ZNF420: variants seen among roughly 807,000 people sequenced by gnomAD.
The protein encoded by ZNF420 is zinc finger protein 420.
ZNF420 carries 31 observed loss-of-function variants against 44.7 expected under a neutral mutation model. The ratio of observed to expected loss-of-function variants is 0.69; its 90% CI spans 0.52 to 0.94. ZNF420 has a LOEUF of 0.94. Among genes scored for constraint, ZNF420 ranks in the 40% least tolerant of loss-of-function variants. ZNF420 has a pLI of 0.00. For missense variants in ZNF420, 681 were observed against 827.9 expected, an observed-to-expected ratio of 0.82 and a Z score of 2.18; for synonymous variants, 245 against 267.4, an observed-to-expected ratio of 0.92 and a Z score of 0.82.
chr19:37,032,648 TACA>T (rs1967283135), intron 1 of ZNF420, among the ~76,000 whole-genome samples: 1 of 150,500 alleles, frequency 6.6e-6, no homozygotes, highest in African/African-American at 2.4e-5. Context: ...CTACTAAAAA[TACA>T]ACAATTTGCC....
chr19:37,055,969 T>A (rs1483147274), intron 1 of ZNF420, among the ~76,000 whole-genome samples: 1 of 152,116 alleles, frequency 6.6e-6, no homozygotes, highest in Non-Finnish European at 1.5e-5. Flanking sequence ...TGGTTGTTCT[T>A]TTGAAAAGCA....
At chr19:37,009,144 C>T (rs1265902365) in intron 1 of ZNF420, among the ~76,000 whole-genome samples, 1 of 152,156 alleles carries the variant, frequency 6.6e-6, no homozygotes, top group African/African-American at 2.4e-5. Flanking sequence ...CATCTGCTTC[C>T]TCTGCTCCTG....
At chr19:37,083,006 A>T (rs1968547402) in intron 2 of ZNF420, among the ~76,000 whole-genome samples, 1 of 151,538 alleles carries the variant, frequency 6.6e-6, no homozygotes, top group South Asian at 2.1e-4. Flanking sequence ...GGCTACAGGC[A>T]CGCGCCACCA....
intron 1 of ZNF420, among the ~76,000 whole-genome samples, chr19:37,056,870 G>A (rs971278127): frequency 2.0e-5 from 3 of 152,186 alleles, no homozygotes; most frequent in Non-Finnish European, 1.5e-5. Flanking sequence ...CCACGTCGCC[G>A]CCTACCGGAC....
chr19:37,041,283 C>T (rs1366540045), intron 1 of ZNF420, among the ~76,000 whole-genome samples: 2 of 150,452 alleles, frequency 1.3e-5, no homozygotes, highest in African/African-American at 4.9e-5. Context: ...TGCACTCCAG[C>T]CTGGGCGACG....
At chr19:37,120,764 A>G (rs1970983090) in intron 4 of ZNF420, among the ~76,000 whole-genome samples, 1 of 152,250 alleles carries the variant, frequency 6.6e-6, no homozygotes, top group Non-Finnish European at 1.5e-5. Flanking sequence ...CTGATAAGCA[A>G]CTACAGCAAA....
chr19:37,060,294 C>T (rs2146439410), intron 1 of ZNF420, among the ~76,000 whole-genome samples: 1 of 152,254 alleles, frequency 6.6e-6, no homozygotes, highest in African/African-American at 2.4e-5. Flanking sequence ...AACGAAGCCA[C>T]ACCACGATAC....
chr19:37,111,870 G>A (rs991318100), intron 4 of ZNF420, among the ~76,000 whole-genome samples: 3 of 152,124 alleles, frequency 2.0e-5, no homozygotes, highest in African/African-American at 4.8e-5. Flanking sequence ...GATCATGGCC[G>A]GAGAGGGCAA....
chr19:37,040,736 T>C (rs539064255), intron 1 of ZNF420, among the ~76,000 whole-genome samples: 25 of 152,220 alleles, frequency 1.6e-4, no homozygotes, highest in Middle Eastern at 3.4e-3. Context: ...ACTGGACAAA[T>C]TAAAGTTGCA....
rs1970695447 is a variant in ZNF420, at chr19:37,116,487, CCAAATAGGAACAGCTCTGGTCTACAGCT to C, written c.137-10639_137-10612del. On this transcript the variant is annotated intron_variant, in intron 4 of 4. Transcript: ENST00000337995. ...GAAAATATGGGTGGAGCCAAGATGGCCAAATAGGAACAGCTCTGGTCTACAGCTCCCAGCATGAACGACGCAGAAGACG... is the reference window on the plus strand; with the variant it reads ...GAAAATATGGGTGGAGCCAAGATGGCCCCAGCATGAACGACGCAGAAGACG... Among the ~76,000 whole-genome samples the C allele has an allele frequency of 1.6e-4, 25 of 152,094 alleles. 1 individual carries two copies. In the South Asian group the frequency reaches 5.2e-3, roughly 32 times the overall value.
rs781511401 is a variant in ZNF420 at position 37,127,116 on chromosome 19, CTT to C, written c.137-11_137-10del. 4.8e-5 allele frequency: 70 copies of C among 1,447,716 alleles called. No homozygotes were observed. The highest frequency in any genetic ancestry group is 7.1e-5 in the African/African-American group (5 of 70,128). The allele number at this position is 1,447,716 out of a possible 1,614,324, so 89.7% of individuals were successfully genotyped here. On this transcript the variant is annotated splice_polypyrimidine_tract_variant and intron_variant, in intron 4 of 4. Transcript: ENST00000337995. ...ATATTTCTCAATTTTTTTATTCTCT[CTT>C]ATCTTTCAGACTTGCCTTCAAGGTG...
chr19:37,033,506 G>C (rs1327937327), intron 1 of ZNF420, among the ~76,000 whole-genome samples: 4 of 152,116 alleles, frequency 2.6e-5, no homozygotes, highest in Non-Finnish European at 5.9e-5. Context: ...TTATGTCAAG[G>C]TTCATCCATG....
intron 1 of ZNF420, among the ~76,000 whole-genome samples, chr19:37,067,828 A>G (rs1239983989): frequency 6.6e-6 from 1 of 152,166 alleles, no homozygotes; most frequent in East Asian, 1.9e-4. Flanking sequence ...GTGTGTGTAC[A>G]TTATTTTGGT....
At chr19:37,101,634 C>G (rs566281809) in intron 4 of ZNF420, among the ~76,000 whole-genome samples, 24 of 152,384 alleles carry the variant, frequency 1.6e-4, no homozygotes, top group African/African-American at 5.5e-4. Context: ...GCATCCATCT[C>G]AGCATTAAAG....
chr19:37,082,713 A>G (rs1968532999), intron 2 of ZNF420, among the ~76,000 whole-genome samples: 1 of 152,222 alleles, frequency 6.6e-6, no homozygotes, highest in East Asian at 1.9e-4. Context: ...TTGACAGGAT[A>G]TAGCCCACTA....
At chr19:37,092,453 C>T (rs1332296426) in intron 4 of ZNF420, 1 of 152,108 alleles carries the variant, frequency 6.6e-6, no homozygotes, top group Non-Finnish European at 1.5e-5. Flanking sequence ...TGGCTCACAC[C>T]TGTAATCCCA....
At chr19:37,021,127 ACT>A (rs2074645381) in intron 1 of ZNF420, among the ~76,000 whole-genome samples, 1 of 152,012 alleles carries the variant, frequency 6.6e-6, no homozygotes, top group South Asian at 2.1e-4. Flanking sequence ...GAGTTGAGAA[ACT>A]CTTTCTGAAA....
At chr19:37,118,642 G>A (rs1344017467) in intron 4 of ZNF420, among the ~76,000 whole-genome samples, 5 of 151,770 alleles carry the variant, frequency 3.3e-5, no homozygotes, top group Non-Finnish European at 7.4e-5. Flanking sequence ...ATGTAAATGG[G>A]CTAAATGCTC....
At chr19:37,091,302 A>G (rs8102196) in intron 4 of ZNF420, 181 bp downstream of exon 4, 26,155 of 517,244 alleles carry the variant, frequency 0.051, 836 homozygotes, top group Non-Finnish European at 0.062. Flanking sequence ...CCATCCTTCA[A>G]AAAGCCTTAC....
Sources: allele counts gnomAD v4.1 joint callset (sites outside exome capture counted in the v4.1 genomes callset), GRCh38; gene constraint gnomAD v4.1.1; transcripts MANE v1.5; gene names NCBI Gene and HGNC (gene_info 2026-07-23, HGNC 2026-07-21).